The following LRRTM4 variants were observed in gnomAD, a reference collection of about 807,000 sequenced individuals.
The protein encoded by LRRTM4 is leucine rich repeat transmembrane neuronal 4.
A neutral mutation model predicts 47.6 loss-of-function variants in LRRTM4; 25 were observed. The ratio of observed to expected loss-of-function variants is 0.53; its 90% CI spans 0.38 to 0.73. The LOEUF (loss-of-function observed/expected upper bound fraction) is 0.73. Ranked by LOEUF, LRRTM4 falls within the 30% of genes least tolerant of loss-of-function variation. The probability of loss-of-function intolerance (pLI) is 0.00; values close to 1 mark genes in which losing one functional copy is unlikely to be tolerated. For synonymous variants in LRRTM4, 311 were observed against 269.5 expected, an observed-to-expected ratio of 1.15 and a Z score of -1.51; for missense variants, 638 against 713.4, an observed-to-expected ratio of 0.89 and a Z score of 1.20.
intron 3 of LRRTM4, among the ~76,000 whole-genome samples, chr2:76,789,393 C>A (rs1674849198): frequency 6.6e-6 from 1 of 152,162 alleles, no homozygotes; most frequent in African/African-American, 2.4e-5. Context: ...CTCTAGTGAC[C>A]TCTCTCTTTT....
intron 3 of LRRTM4, among the ~76,000 whole-genome samples, chr2:77,152,194 T>C (rs1672448027): frequency 6.6e-6 from 1 of 152,154 alleles, no homozygotes; most frequent in Non-Finnish European, 1.5e-5. Flanking sequence ...TACTGTCTCA[T>C]GGACATTGTG....
chr2:77,429,353 A>G (rs1211820511), intron 3 of LRRTM4, among the ~76,000 whole-genome samples: 1 of 152,148 alleles, frequency 6.6e-6, no homozygotes, highest in Non-Finnish European at 1.5e-5. Context: ...TACTTAATAT[A>G]TATCCAAAGA....
chr2:77,522,346 T>C lies in LRRTM4; in HGVS notation c.-385A>G, dbSNP rs1445651757. 2.1e-6 allele frequency: 1 copy of C among 471,808 alleles called. No individual in the cohort carries two copies. Among genetic ancestry groups the C allele is most frequent in the East Asian group, 3.4e-5 (1 of 29,426 alleles). The allele number at this position is 471,808 out of a possible 1,614,324, so 29.2% of individuals were successfully genotyped here. A position where few individuals can be genotyped will look rare whatever the true frequency, so the allele number is the denominator to read the frequency against. On this transcript the variant is annotated 5_prime_UTR_variant, in exon 1 of 4. Coordinates refer to ENST00000409884, the MANE Select transcript of LRRTM4 (RefSeq NM_001134745.3). ...AGAGACTGATGATGCTCAGAGCTTG[T>C]TGGTGCTAATGCTTGAGTTTGTGAT... is the stretch of plus-strand genomic sequence containing the variant.
intron 3 of LRRTM4, among the ~76,000 whole-genome samples, chr2:76,893,876 T>A (rs1216917368): frequency 6.6e-6 from 1 of 151,894 alleles, no homozygotes; most frequent in East Asian, 1.9e-4. Context: ...GCATTTTATT[T>A]GTACATGTCT....
At chr2:77,465,063 A>G (rs1227550881) in intron 3 of LRRTM4, among the ~76,000 whole-genome samples, 1 of 152,196 alleles carries the variant, frequency 6.6e-6, no homozygotes, top group South Asian at 2.1e-4. Flanking sequence ...CATCATTTTC[A>G]TAGTCTCAGA....
chr2:76,987,384 T>C (rs1250026260), intron 3 of LRRTM4: 1 of 151,916 alleles, frequency 6.6e-6, no homozygotes, highest in East Asian at 1.9e-4. Context: ...TATATGTCTA[T>C]ATATTCTCTT....
intron 3 of LRRTM4, among the ~76,000 whole-genome samples, chr2:76,851,757 T>A (rs1443200051): frequency 2.6e-5 from 1 of 38,570 alleles, no homozygotes; most frequent in African/African-American, 1.8e-4. Flanking sequence ...TTTTATTCGT[T>A]TTTTTTTTTT....
At chr2:76,970,653 A>G (rs887254194) in intron 3 of LRRTM4, among the ~76,000 whole-genome samples, 1 of 152,044 alleles carries the variant, frequency 6.6e-6, no homozygotes, top group Admixed American at 6.6e-5. Context: ...TCCTGAAGCA[A>G]TTTCACACCA....
intron 3 of LRRTM4, among the ~76,000 whole-genome samples, chr2:76,934,858 C>T (rs147018560): frequency 2.0e-4 from 30 of 151,664 alleles, no homozygotes; most frequent in Non-Finnish European, 4.0e-4. Context: ...AGAAGGTATT[C>T]AGCAGTGTAT....
At chr2:76,855,056 G>T (rs145508780) in intron 3 of LRRTM4, among the ~76,000 whole-genome samples, 394 of 152,262 alleles carry the variant, frequency 2.6e-3, no homozygotes, top group African/African-American at 9.0e-3. Flanking sequence ...CCAAAATTTT[G>T]AAAGAGAAGA....
rs72224838 is a variant in LRRTM4 at position 77,426,805 on chromosome 2, G to GCACA, written c.1551+91509_1551+91512dup. On this transcript the variant is annotated intron_variant, in intron 3 of 3. Transcript: ENST00000409884. ...AATATGTACACACACAGAGGTGTAT[G>GCACA]CACACACACACACACACACACACAT... Among the ~76,000 whole-genome samples the GCACA allele has an allele frequency of 0.013, 1,845 of 147,502 alleles. 75 individuals are homozygous for GCACA. The East Asian group carries it at 0.16, about 12-fold the overall frequency.
Position 77,474,254 on chromosome 2 carries a change from G to A in LRRTM4, c.1551+44064C>T, listed in dbSNP as rs112649444. Among the ~76,000 whole-genome samples, 632 of 152,134 alleles carry A rather than the reference G, an allele frequency of 4.2e-3. 4 individuals are homozygous for A. Among genetic ancestry groups the A allele is most frequent in the African/African-American group, 0.014 (597 of 41,518 alleles). On this transcript the variant is annotated intron_variant, in intron 3 of 3. Transcript: ENST00000409884. ...GAGAGAGAGAAAGCACAAAAGAGGA[G>A]GATAATGGCTGATAGAAAAAAACAA...
chr2:77,037,099 G>A (rs1048578852), intron 3 of LRRTM4, among the ~76,000 whole-genome samples: 6 of 151,602 alleles, frequency 4.0e-5, no homozygotes, highest in African/African-American at 1.5e-4. Context: ...AAATTATGCT[G>A]TGCAGGCAAC....
chr2:77,111,679 T>C (rs569795103), intron 3 of LRRTM4, among the ~76,000 whole-genome samples: 1 of 152,256 alleles, frequency 6.6e-6, no homozygotes, highest in African/African-American at 2.4e-5. Context: ...GCTTAGTAGC[T>C]GTCTTATTGC....
chr2:76,794,020 G>GTATAAGC (rs2103728368), intron 3 of LRRTM4, among the ~76,000 whole-genome samples: 1 of 152,272 alleles, frequency 6.6e-6, no homozygotes, highest in Non-Finnish European at 1.5e-5. Context: ...ATAGTAATCT[G>GTATAAGC]TATAAGCCAA....
At chr2:77,015,976 G>A (rs528775373) in intron 3 of LRRTM4, among the ~76,000 whole-genome samples, 24 of 152,206 alleles carry the variant, frequency 1.6e-4, no homozygotes, top group African/African-American at 5.5e-4. Flanking sequence ...AATCTACTCA[G>A]GAGGCTGAGG....
chr2:77,196,941 C>G (rs1673845227), intron 3 of LRRTM4, among the ~76,000 whole-genome samples: 1 of 152,036 alleles, frequency 6.6e-6, no homozygotes, highest in Non-Finnish European at 1.5e-5. Context: ...TTTCCAGTTT[C>G]AAGTGCTTAC....
intron 3 of LRRTM4, among the ~76,000 whole-genome samples, chr2:77,280,550 C>A (rs933663814): frequency 1.3e-5 from 2 of 151,928 alleles, no homozygotes; most frequent in African/African-American, 2.4e-5. Flanking sequence ...AGGTGCAGAA[C>A]AAGGGAAGTG....
intron 3 of LRRTM4, among the ~76,000 whole-genome samples, chr2:77,453,507 A>G (rs577583173): frequency 1.3e-5 from 2 of 152,146 alleles, no homozygotes; most frequent in African/African-American, 4.8e-5. Context: ...TTTATTTGCA[A>G]TGTTGATTCC....
Sources: allele counts gnomAD v4.1 joint callset (sites outside exome capture counted in the v4.1 genomes callset), GRCh38; gene constraint gnomAD v4.1.1; transcripts MANE v1.5; gene names NCBI Gene and HGNC (gene_info 2026-07-23, HGNC 2026-07-21).